NPAS2: variants seen among roughly 807,000 people sequenced by gnomAD.
NPAS2 encodes the protein neuronal PAS domain protein 2, also known as neuronal PAS domain-containing protein 2.
A neutral mutation model predicts 107.5 loss-of-function variants in NPAS2; 23 were observed. The observed-to-expected ratio is 0.21, with a 90% CI of 0.15 to 0.30. The LOEUF is 0.30. Among genes scored for constraint, NPAS2 ranks in the 10% least tolerant of loss-of-function variants. The pLI is 1.00. For missense variants in NPAS2, 756 were observed against 1,043.3 expected (o/e 0.72, Z 3.79); for synonymous variants, 403 against 417.5 (o/e 0.97, Z 0.42).
intron 1 of NPAS2, chr2:100,878,022 A>G (rs577609319): frequency 2.0e-6 from 2 of 985,436 alleles, no homozygotes; most frequent in East Asian, 1.1e-4. Flanking sequence ...AGCTAATACC[A>G]GAGTGCTGTT....
chr2:100,869,971 C>T (rs1410005325), intron 1 of NPAS2, among the ~76,000 whole-genome samples: 1 of 135,728 alleles, frequency 7.4e-6, no homozygotes, highest in African/African-American at 2.8e-5. Context: ...GTGGCACGAT[C>T]TTGGCTCACT....
intron 7 of NPAS2, among the ~76,000 whole-genome samples, chr2:100,952,325 G>A (rs1675275200): frequency 6.6e-6 from 1 of 152,058 alleles, no homozygotes; most frequent in Admixed American, 6.6e-5. Context: ...TGACAACAGT[G>A]CACACACTTC....
intron 1 of NPAS2, among the ~76,000 whole-genome samples, chr2:100,880,977 C>G (rs565973529): frequency 2.0e-5 from 3 of 152,114 alleles, no homozygotes; most frequent in African/African-American, 7.2e-5. Context: ...GAGTGCCTGT[C>G]GGGTGCTGCA....
At chr2:100,889,200 A>G (rs75610425) in intron 1 of NPAS2, among the ~76,000 whole-genome samples, 3,053 of 152,300 alleles carry the variant, frequency 0.02, 100 homozygotes, top group African/African-American at 0.069. Context: ...TCACTCAATT[A>G]AGGCAGTAGC....
chr2:100,979,032 C>T (rs1442178794), intron 15 of NPAS2, among the ~76,000 whole-genome samples: 5 of 152,200 alleles, frequency 3.3e-5, no homozygotes, highest in African/African-American at 9.6e-5. Flanking sequence ...GCAGGTGCCC[C>T]TCTCTGTCTT....
In NPAS2 at chr2:100,886,273, C is replaced by T. The variant is rs1680693252; in HGVS notation, c.-22-18460C>T. 2.0e-5 allele frequency among the ~76,000 whole-genome samples: 3 copies of T among 152,206 alleles called. No homozygotes were observed. The South Asian group carries it at 6.2e-4, about 31-fold the overall frequency. On this transcript the variant is annotated intron_variant, in intron 1 of 20. Coordinates refer to ENST00000335681, the MANE Select transcript of NPAS2 (RefSeq NM_002518.4). ...ATTCACTTTACCCAAGTTTGTTTGT[C>T]TTCAGCTCTTCAGGAAAACACTGTT...
At chr2:100,838,470 G>T (rs553807494) in intron 1 of NPAS2, among the ~76,000 whole-genome samples, 1 of 152,108 alleles carries the variant, frequency 6.6e-6, no homozygotes, top group Non-Finnish European at 1.5e-5. Flanking sequence ...TAGAGAAGAG[G>T]TTTCACCATG....
intron 3 of NPAS2, among the ~76,000 whole-genome samples, chr2:100,929,687 A>C (rs2104923244): frequency 6.6e-6 from 1 of 152,312 alleles, no homozygotes; most frequent in Non-Finnish European, 1.5e-5. Context: ...AAACACTGCA[A>C]ATCAGGGCTG....
chr2:100,925,069 T>A, intron 2 of NPAS2, 77 bp from the exon 3 acceptor site: 1 of 1,469,194 alleles, frequency 6.8e-7, no homozygotes, highest in Non-Finnish European at 9.2e-7. Context: ...TGTGCTCTAA[T>A]AGAAAGTGCT....
At chr2:100,923,546 G>T (rs1683370904) in intron 2 of NPAS2, among the ~76,000 whole-genome samples, 1 of 152,126 alleles carries the variant, frequency 6.6e-6, no homozygotes, top group African/African-American at 2.4e-5. Context: ...CTGCTCCAAG[G>T]GAGGTGAATC....
chr2:100,890,354 A>T (rs1398952472), intron 1 of NPAS2, among the ~76,000 whole-genome samples: 1 of 152,132 alleles, frequency 6.6e-6, no homozygotes, highest in Non-Finnish European at 1.5e-5. Context: ...GGTGCAGGGA[A>T]GGGGTGGCAA....
chr2:100,940,824 T>C (rs1046314547), intron 5 of NPAS2, among the ~76,000 whole-genome samples: 9 of 152,204 alleles, frequency 5.9e-5, no homozygotes, highest in African/African-American at 1.9e-4. Flanking sequence ...TAAAGCTGAA[T>C]GTTCTCAGAG....
intron 20 of NPAS2, 126 bp from the exon 21 acceptor site, chr2:100,995,274 T>A: frequency 8.9e-4 from 483 of 541,946 alleles, no homozygotes; most frequent in East Asian, 1.4e-3. Flanking sequence ...TCTCCCCACA[T>A]GACCCCCCAA....
chr2:100,883,318 G>C (rs1051448380), intron 1 of NPAS2, among the ~76,000 whole-genome samples: 3 of 152,192 alleles, frequency 2.0e-5, no homozygotes, highest in African/African-American at 7.2e-5. Context: ...GTCAGAGATG[G>C]TGCAGGCAAG....
chr2:100,921,799 C>T (rs1683245006), intron 2 of NPAS2, among the ~76,000 whole-genome samples: 1 of 152,176 alleles, frequency 6.6e-6, no homozygotes, highest in South Asian at 2.1e-4. Context: ...ATACGCTTAG[C>T]AGATGACCCA....
rs74783833 is a variant in NPAS2, at chr2:100,946,965, T to A, written c.364-1270T>A. ...TTGATGGAGATGCAAACACAAGGGT[T>A]GGAGATGATATGGGTGGGAAAGAAT... On this transcript the variant is annotated intron_variant, in intron 5 of 20. Transcript: ENST00000335681. Among the ~76,000 whole-genome samples, 114 of 152,194 alleles carry A rather than the reference T, an allele frequency of 7.5e-4. 2 individuals carry two copies. In the East Asian group the frequency reaches 0.021, roughly 28 times the overall value.
intron 1 of NPAS2, among the ~76,000 whole-genome samples, chr2:100,865,612 G>C (rs1679202876): frequency 1.3e-5 from 2 of 152,134 alleles, no homozygotes; most frequent in South Asian, 4.1e-4. Flanking sequence ...TAAACACTCA[G>C]AACCCTTGTT....
intron 1 of NPAS2, among the ~76,000 whole-genome samples, chr2:100,873,077 C>T (rs910916849): frequency 6.6e-6 from 1 of 151,216 alleles, no homozygotes; most frequent in East Asian, 1.9e-4. Context: ...CTGGGGTGGG[C>T]AGATCACTTG....
upstream of NPAS2, among the ~76,000 whole-genome samples, chr2:100,819,729 A>T (rs543159823): frequency 6.6e-6 from 1 of 151,700 alleles, no homozygotes; most frequent in Admixed American, 6.5e-5. The surrounding 1 kb of genome is among the most constrained non-coding windows in gnomAD (Gnocchi z 5.8). Context: ...CTTTAATGGG[A>T]CCTCGGCTGG....
Sources: allele counts gnomAD v4.1 joint callset (sites outside exome capture counted in the v4.1 genomes callset), GRCh38; gene constraint gnomAD v4.1.1; non-coding constraint Gnocchi (gnomAD v3.1); transcripts MANE v1.5; gene names NCBI Gene and HGNC (gene_info 2026-07-23, HGNC 2026-07-21).